Variants in MNAT1 observed in about 807,000 individuals in gnomAD.
The protein encoded by MNAT1 is MNAT1 component of CDK activating kinase.
In MNAT1, 43 loss-of-function variants were observed where a neutral mutation model predicts 42.0. The ratio of observed to expected loss-of-function variants is 1.02; its 90% CI spans 0.80 to 1.32. The LOEUF (loss-of-function observed/expected upper bound fraction) is 1.32. Among genes scored for constraint, MNAT1 ranks in the 40% most tolerant of loss-of-function variants. The pLI, the probability that MNAT1 is intolerant of heterozygous loss-of-function variation, is 0.00. For missense variants in MNAT1, 306 were observed against 350.4 expected, an observed-to-expected ratio of 0.87 and a Z score of 1.01; for synonymous variants, 118 against 120.0, an observed-to-expected ratio of 0.98 and a Z score of 0.11.
intron 6 of MNAT1, among the ~76,000 whole-genome samples, chr14:60,833,327 C>G (rs1247609681): frequency 6.6e-6 from 1 of 152,070 alleles, no homozygotes; most frequent in African/African-American, 2.4e-5. Context: ...TCATAAATAG[C>G]TCTTGTTATT....
chr14:60,801,256 A>G (rs1259652601), intron 3 of MNAT1, among the ~76,000 whole-genome samples: 1 of 152,100 alleles, frequency 6.6e-6, no homozygotes, highest in East Asian at 1.9e-4. Flanking sequence ...ATAGGTGGGT[A>G]AAACATGAGG....
intron 7 of MNAT1, among the ~76,000 whole-genome samples, chr14:60,938,133 C>T (rs899630636): frequency 3.5e-4 from 54 of 152,210 alleles, no homozygotes; most frequent in Admixed American, 2.4e-3. Flanking sequence ...TGGGCCAAGG[C>T]GATGGGATTT....
At chr14:60,957,046 T>C (rs1432783458) in intron 7 of MNAT1, among the ~76,000 whole-genome samples, 2 of 152,194 alleles carry the variant, frequency 1.3e-5, no homozygotes, top group African/African-American at 4.8e-5. Flanking sequence ...GTTGTAGTTA[T>C]TTGGTTGTTT....
chr14:60,895,547 C>G (rs113141556), intron 7 of MNAT1, among the ~76,000 whole-genome samples: 3,687 of 152,314 alleles, frequency 0.024, 91 homozygotes, highest in South Asian at 0.1. Flanking sequence ...TCTCTCCTTT[C>G]CTTTCCTTAT....
At chr14:60,742,053 A>G (rs1032641652) in intron 1 of MNAT1, among the ~76,000 whole-genome samples, 2 of 151,754 alleles carry the variant, frequency 1.3e-5, no homozygotes, top group Admixed American at 6.6e-5. Context: ...GTATTGGCCT[A>G]TTAGCCGGTA....
chr14:60,968,250 T>C lies in MNAT1; in HGVS notation c.831T>C (p.Ala277=), dbSNP rs755069333. 6.2e-7 allele frequency: 1 copy of C among 1,613,646 alleles called. No homozygotes were observed. The highest frequency in any genetic ancestry group is 8.5e-7 in the Non-Finnish European group (1 of 1,179,798). The part of the protein sequence containing the change: ...GRLGYLNHVR[A]ASPQDLAGGY... ...TTAGGTATTTAAACCATGTCAGAGC[T>C]GCCTCACCACAGGACCTTGCTGGAG... is the stretch of plus-strand genomic sequence containing the variant. The change falls in exon 8 of 8, where the codon GCT becomes GCC. Residue 277 remains alanine, a synonymous_variant. Coordinates refer to ENST00000261245, the MANE Select transcript of MNAT1 (RefSeq NM_002431.4).
chr14:60,920,116 TG>T (rs1211796616), intron 7 of MNAT1: 1 of 152,582 alleles, frequency 6.6e-6, no homozygotes, highest in Non-Finnish European at 1.5e-5. Context: ...TAAATGGCAG[TG>T]GGGCCAGAGG....
chr14:60,750,290 G>A (rs1167863212), intron 1 of MNAT1, among the ~76,000 whole-genome samples: 2 of 150,906 alleles, frequency 1.3e-5, no homozygotes, highest in Non-Finnish European at 3.0e-5. Flanking sequence ...GCAGTGGCGC[G>A]ATCTCGGCTC....
intron 1 of MNAT1, among the ~76,000 whole-genome samples, chr14:60,755,148 G>A (rs1238828376): frequency 6.6e-6 from 1 of 151,930 alleles, no homozygotes; most frequent in African/African-American, 2.4e-5. Context: ...ATAGGTGTGT[G>A]CCACCATGCC....
intron 7 of MNAT1, among the ~76,000 whole-genome samples, chr14:60,904,992 T>TTTTTC (rs1219286575): frequency 7.0e-6 from 1 of 142,076 alleles, no homozygotes; most frequent in African/African-American, 2.6e-5. Context: ...TTTTTTTTTT[T>TTTTTC]TGGACGGAGT....
intron 7 of MNAT1, among the ~76,000 whole-genome samples, chr14:60,883,822 C>T (rs1165709620): frequency 6.6e-6 from 1 of 151,492 alleles, no homozygotes; most frequent in Non-Finnish European, 1.5e-5. Context: ...GTATTTTATT[C>T]TAGCTATTGT....
chr14:60,959,024 C>A (rs2036540051), intron 7 of MNAT1, among the ~76,000 whole-genome samples: 1 of 152,042 alleles, frequency 6.6e-6, no homozygotes, highest in Non-Finnish European at 1.5e-5. Flanking sequence ...GCTCAAGTGA[C>A]CCTCCTGCCT....
At chr14:60,763,217 A>T (rs1336665695) in intron 1 of MNAT1, among the ~76,000 whole-genome samples, 1 of 152,120 alleles carries the variant, frequency 6.6e-6, no homozygotes, top group East Asian at 1.9e-4. Flanking sequence ...GATCACACTT[A>T]TCTTTATCAT....
intron 6 of MNAT1, among the ~76,000 whole-genome samples, chr14:60,832,713 A>G (rs2033261723): frequency 6.6e-6 from 1 of 151,940 alleles, no homozygotes; most frequent in Admixed American, 6.6e-5. Flanking sequence ...TAATTCTTTG[A>G]AGAAAGTTAA....
intron 5 of MNAT1, 130 bp downstream of exon 5, chr14:60,812,257 G>A: frequency 1.2e-6 from 1 of 821,730 alleles, no homozygotes; most frequent in Non-Finnish European, 1.8e-6. Context: ...AGTTTTGTTG[G>A]TTATGTATTG....
chr14:60,851,845 T>G (rs2033831017), intron 6 of MNAT1, among the ~76,000 whole-genome samples: 1 of 152,170 alleles, frequency 6.6e-6, no homozygotes, highest in Non-Finnish European at 1.5e-5. Flanking sequence ...AATGATGGCT[T>G]TCAGCTTCAT....
chr14:60,883,955 A>G lies in MNAT1; in HGVS notation c.809+4120A>G, dbSNP rs4151303. ...TTACTCAATTTGTTTATCAGTTCTAATAGTTTTTTTGTGAAGTCTTTAGGT... is the reference window on the plus strand; with the variant it reads ...TTACTCAATTTGTTTATCAGTTCTAGTAGTTTTTTTGTGAAGTCTTTAGGT... On this transcript the variant is annotated intron_variant, in intron 7 of 7. Transcript: ENST00000261245. Among the ~76,000 whole-genome samples, 780 of 152,140 alleles carry G rather than the reference A, an allele frequency of 5.1e-3. 14 individuals are homozygous for G. Among genetic ancestry groups the G allele is most frequent in the African/African-American group, 0.018 (732 of 41,506 alleles).
intron 6 of MNAT1, among the ~76,000 whole-genome samples, chr14:60,856,426 C>G (rs925230150): frequency 3.3e-5 from 5 of 152,154 alleles, no homozygotes; most frequent in Admixed American, 1.3e-4. Flanking sequence ...GGAGAAAAGT[C>G]TGAAGCTAGC....
In MNAT1 at chr14:60,906,433, G is replaced by A. The variant is rs1020569925; in HGVS notation, c.809+26598G>A. Among the ~76,000 whole-genome samples, 6 of 152,172 alleles carry A rather than the reference G, an allele frequency of 3.9e-5. No homozygotes were observed. In the South Asian group the frequency reaches 8.3e-4, roughly 21 times the overall value. ...GTGGGCAATGGTGGCAAGGGGCAGC[G>A]TGAATGCAAGAAAATTTGCAGTAGT... On this transcript the variant is annotated intron_variant, in intron 7 of 7. Transcript: ENST00000261245.
Sources: allele counts gnomAD v4.1 joint callset (sites outside exome capture counted in the v4.1 genomes callset), GRCh38; gene constraint gnomAD v4.1.1; transcripts MANE v1.5; gene names NCBI Gene and HGNC (gene_info 2026-07-23, HGNC 2026-07-21).